NKAIN2: variants seen among roughly 807,000 people sequenced by gnomAD.
The protein encoded by NKAIN2 is sodium/potassium-transporting ATPase subunit beta-1-interacting protein 2.
NKAIN2 carries 14 observed loss-of-function variants against 32.6 expected under a neutral mutation model. That is an observed-to-expected ratio of 0.43 (90% CI 0.28 to 0.67). The LOEUF is 0.67. Among genes scored for constraint, NKAIN2 ranks in the 30% least tolerant of loss-of-function variants. The pLI is 0.17. For missense variants in NKAIN2, 198 were observed against 258.3 expected (o/e 0.77, Z 1.60); for synonymous variants, 80 against 87.2 (o/e 0.92, Z 0.46).
At chr6:124,624,281 A>G (rs1342810313) in intron 3 of NKAIN2, among the ~76,000 whole-genome samples, 2 of 152,166 alleles carry the variant, frequency 1.3e-5, no homozygotes, top group Non-Finnish European at 2.9e-5. Flanking sequence ...TGTGAGGCCA[A>G]TAGGATATGA....
intron 1 of NKAIN2, among the ~76,000 whole-genome samples, chr6:124,201,951 A>C (rs1417325339): frequency 2.6e-5 from 4 of 152,078 alleles, no homozygotes; most frequent in African/African-American, 9.6e-5. Flanking sequence ...TTAACGTTTG[A>C]GCTTTCAAAA....
intron 2 of NKAIN2, among the ~76,000 whole-genome samples, chr6:124,288,342 A>G (rs1344079762): frequency 6.6e-6 from 1 of 152,202 alleles, no homozygotes; most frequent in African/African-American, 2.4e-5. Flanking sequence ...TGATAAATGA[A>G]CAAAGGTGCT....
intron 1 of NKAIN2, among the ~76,000 whole-genome samples, chr6:123,915,067 T>C (rs929109646): frequency 6.6e-6 from 1 of 152,168 alleles, no homozygotes; most frequent in African/African-American, 2.4e-5. Flanking sequence ...AGGTTTAAAA[T>C]TCACAGCTTC....
At chr6:124,372,926 G>C (rs113587052) in intron 3 of NKAIN2, among the ~76,000 whole-genome samples, 1 of 152,100 alleles carries the variant, frequency 6.6e-6, no homozygotes, top group Admixed American at 6.6e-5. Context: ...TAAAAACAGA[G>C]TTTGGATATT....
intron 1 of NKAIN2, among the ~76,000 whole-genome samples, chr6:124,233,237 A>C (rs1176900490): frequency 6.6e-6 from 1 of 152,178 alleles, no homozygotes; most frequent in Non-Finnish European, 1.5e-5. Context: ...AAAAAAAAAA[A>C]CAGAAGTTCA....
chr6:124,814,652 C>T (rs1337377987), intron 5 of NKAIN2, among the ~76,000 whole-genome samples: 2 of 152,116 alleles, frequency 1.3e-5, no homozygotes, highest in Non-Finnish European at 2.9e-5. Flanking sequence ...AAGCTCCATT[C>T]GCATCACAGG....
chr6:124,164,446 G>T (rs909208595), intron 1 of NKAIN2, among the ~76,000 whole-genome samples: 1 of 152,124 alleles, frequency 6.6e-6, no homozygotes. Flanking sequence ...TTCTTTTGAT[G>T]ATATCACATC....
intron 1 of NKAIN2, among the ~76,000 whole-genome samples, chr6:124,055,668 C>A (rs1050783982): frequency 2.0e-5 from 3 of 151,924 alleles, no homozygotes; most frequent in South Asian, 4.1e-4. Context: ...CAGAACAGTT[C>A]ATCACTGTGA....
At chr6:124,263,826 T>C (rs1582949848) in intron 1 of NKAIN2, among the ~76,000 whole-genome samples, 1 of 73,366 alleles carries the variant, frequency 1.4e-5, no homozygotes, top group Admixed American at 1.6e-4. Flanking sequence ...TACTCAGATA[T>C]GCATAATATC....
intron 1 of NKAIN2, among the ~76,000 whole-genome samples, chr6:124,188,851 T>C (rs1789876964): frequency 6.6e-6 from 1 of 152,196 alleles, no homozygotes; most frequent in Non-Finnish European, 1.5e-5. Context: ...CCATGTTCAA[T>C]ATAATTAAAT....
At chr6:124,699,536 T>C (rs1774667013) in intron 4 of NKAIN2, among the ~76,000 whole-genome samples, 1 of 152,126 alleles carries the variant, frequency 6.6e-6, no homozygotes, top group Non-Finnish European at 1.5e-5. Flanking sequence ...TTCTCATAAA[T>C]GGTTTAGTGC....
chr6:124,519,319 C>G (rs1779037526), intron 3 of NKAIN2, among the ~76,000 whole-genome samples: 1 of 152,116 alleles, frequency 6.6e-6, no homozygotes, highest in Non-Finnish European at 1.5e-5. Context: ...GCTGGATGGT[C>G]TCTCAGTAAG....
intron 2 of NKAIN2, among the ~76,000 whole-genome samples, chr6:124,323,777 A>ATT (rs1491556824): frequency 1.6e-4 from 18 of 115,512 alleles, no homozygotes; most frequent in African/African-American, 7.1e-4. Context: ...AATTCTTTTA[A>ATT]TTTTTTCTTT....
At chr6:124,246,630 A>G (rs895931091) in intron 1 of NKAIN2, among the ~76,000 whole-genome samples, 2 of 152,016 alleles carry the variant, frequency 1.3e-5, no homozygotes, top group Non-Finnish European at 2.9e-5. Flanking sequence ...GAGCAATACA[A>G]TAGATCTGGA....
chr6:124,779,285 AAGGC>A (rs1779138497), intron 4 of NKAIN2, among the ~76,000 whole-genome samples: 3 of 75,362 alleles, frequency 4.0e-5, no homozygotes, highest in African/African-American at 1.1e-4. Context: ...GAGAGAGAGG[AAGGC>A]AGGAAGGAGG....
At chr6:124,230,397 T>G (rs57470983) in intron 1 of NKAIN2, among the ~76,000 whole-genome samples, 1 of 152,186 alleles carries the variant, frequency 6.6e-6, no homozygotes, top group African/African-American at 2.4e-5. Context: ...GAAAACCAAG[T>G]CTCATTTTCT....
intron 1 of NKAIN2, among the ~76,000 whole-genome samples, chr6:123,841,146 G>A (rs1409413257): frequency 2.0e-5 from 3 of 151,996 alleles, no homozygotes; most frequent in African/African-American, 7.3e-5. Context: ...TGAATAGGGC[G>A]GTATATGTAC....
intron 4 of NKAIN2, among the ~76,000 whole-genome samples, chr6:124,726,067 A>G (rs1017882391): frequency 3.9e-5 from 6 of 152,156 alleles, no homozygotes; most frequent in Non-Finnish European, 8.8e-5. Context: ...ACGCCCACGG[A>G]GTCTCGCTGA....
At chr6:124,030,224 T>C (rs141177724) in intron 1 of NKAIN2, among the ~76,000 whole-genome samples, 48 of 152,126 alleles carry the variant, frequency 3.2e-4, no homozygotes, top group African/African-American at 1.1e-3. Context: ...TATTACAATG[T>C]AATAACAGTA....
Sources: gnomAD v4.1 joint callset for allele counts (sites outside exome capture counted in the v4.1 genomes callset) on GRCh38, gnomAD v4.1.1 for gene constraint, MANE v1.5 for transcripts, NCBI Gene and HGNC (gene_info 2026-07-23, HGNC 2026-07-21) for gene names.